Variants in WIPF2 observed in about 807,000 individuals in gnomAD.
WIPF2 encodes the protein WAS/WASL-interacting protein family member 2.
A neutral mutation model predicts 38.8 loss-of-function variants in WIPF2; 23 were observed. The ratio of observed to expected loss-of-function variants is 0.59; its 90% confidence interval spans 0.43 to 0.84. WIPF2 has a LOEUF of 0.84. Among genes scored for constraint, WIPF2 ranks in the 40% least tolerant of loss-of-function variants. WIPF2 has a pLI of 0.00. For synonymous variants in WIPF2, 210 were observed against 223.2 expected (o/e 0.94, Z 0.53); for missense variants, 574 against 580.5 (o/e 0.99, Z 0.11).
chr17:40,243,400 A>G (rs1812263764), intron 1 of WIPF2, among the ~76,000 whole-genome samples: 1 of 152,188 alleles, frequency 6.6e-6, no homozygotes, highest in Non-Finnish European at 1.5e-5. Flanking sequence ...TTGTTAAAAA[A>G]ATATGTTTGA....
intron 1 of WIPF2, among the ~76,000 whole-genome samples, chr17:40,223,533 G>GA (rs58989731): frequency 0.13 from 18,599 of 142,864 alleles, 1,339 homozygotes; most frequent in East Asian, 0.29. Flanking sequence ...GTGTTTTTAG[G>GA]AAAAAAAAAA....
intron 1 of WIPF2, among the ~76,000 whole-genome samples, chr17:40,226,136 A>T (rs2030472867): frequency 6.6e-6 from 1 of 150,442 alleles, no homozygotes; most frequent in Non-Finnish European, 1.5e-5. Context: ...CCTCCCAATA[A>T]TCCCTCTGAC....
intron 1 of WIPF2, among the ~76,000 whole-genome samples, chr17:40,245,701 C>T (rs1012842645): frequency 1.3e-5 from 2 of 152,092 alleles, no homozygotes; most frequent in East Asian, 3.8e-4. Flanking sequence ...TGTTGAGCAG[C>T]ATCCTTGTTT....
intron 1 of WIPF2, among the ~76,000 whole-genome samples, chr17:40,237,684 C>T (rs529374500): frequency 3.3e-5 from 5 of 149,948 alleles, no homozygotes; most frequent in South Asian, 4.3e-4. Flanking sequence ...CTTACTCTGT[C>T]GCCCAGGCTG....
In WIPF2 at chr17:40,264,495, C is replaced by G. The variant is rs938594777; in HGVS notation, c.319C>G (p.Leu107Val). The change falls in exon 5 of 8, where the codon CTA becomes GTA. Residue 107 changes from leucine to valine, a missense_variant. Coordinates refer to ENST00000323571, the MANE Select transcript of WIPF2 (RefSeq NM_133264.5). ...PVGAKDGSEN[L>V]AGKPALQIPS... ...TGTTGTCTATGTATTTGTAGAGAAC[C>G]TAGCTGGTAAGCCAGCCCTGCAAAT... 6.2e-7 allele frequency: 1 copy of G among 1,613,932 alleles called. No individual in the cohort carries two copies.
At chr17:40,232,615 G>A (rs2030795041) in intron 1 of WIPF2, among the ~76,000 whole-genome samples, 1 of 151,758 alleles carries the variant, frequency 6.6e-6, no homozygotes, top group African/African-American at 2.4e-5. Flanking sequence ...CACCGTGCCC[G>A]GCCAGTAATT....
chr17:40,262,469 A>T, intron 3 of WIPF2, 56 bp from the exon 4 acceptor site: 1 of 1,399,786 alleles, frequency 7.1e-7, no homozygotes, highest in Non-Finnish European at 1.0e-6. Flanking sequence ...CTCATGATTT[A>T]CTTGGTCACC....
intron 1 of WIPF2, among the ~76,000 whole-genome samples, chr17:40,228,610 A>AGGG (rs2030602022): frequency 7.4e-6 from 1 of 135,560 alleles, no homozygotes; most frequent in Non-Finnish European, 1.6e-5. Flanking sequence ...GGATGCAGAT[A>AGGG]GGGCAGTGAA....
chr17:40,257,625 A>G (rs2031767889), intron 2 of WIPF2, among the ~76,000 whole-genome samples: 1 of 151,554 alleles, frequency 6.6e-6, no homozygotes, highest in Admixed American at 6.6e-5. Flanking sequence ...AAGCGCCTGT[A>G]ATACCAGCCA....
At chr17:40,262,483 T>C (rs1361077133) in intron 3 of WIPF2, 42 bp from the exon 4 acceptor site, 16 of 1,520,742 alleles carry the variant, frequency 1.1e-5, no homozygotes, top group Middle Eastern at 1.7e-4. Context: ...GGTCACCAGC[T>C]GAGAGCATGT....
At position 40,219,400 on chromosome 17, in the gene WIPF2, A is replaced by ACGG. The variant is rs1191759973; in HGVS notation, c.-159_-157dup. On this transcript the variant is annotated 5_prime_UTR_variant, in exon 1 of 8. Transcript: ENST00000323571. ...GGCGGCGGCGGCGGCGGCGGCGGCG[A>ACGG]CGGCGAGAAAGAGCTTGCCGGGGGG... 3.8e-5 allele frequency: 13 copies of ACGG among 346,454 alleles called. No homozygotes were observed. Among genetic ancestry groups the ACGG allele is most frequent in the African/African-American group, 2.1e-4 (8 of 38,064 alleles). 21.5% of individuals were successfully genotyped at this position (346,454 alleles called of 1,614,324 possible). A position where few individuals can be genotyped will look rare whatever the true frequency, so the allele number is the denominator to read the frequency against.
In WIPF2 at chr17:40,239,046, T is replaced by TTTTTTTTA. The variant is rs1555560744; in HGVS notation, c.-69-17342_-69-17341insTTTTATTT. Among the ~76,000 whole-genome samples, 18 of 138,814 alleles carry TTTTTTTTA rather than the reference T, an allele frequency of 1.3e-4. 1 individual carries two copies. The East Asian group carries it at 2.6e-3, about 20-fold the overall frequency. 91.1% of individuals were successfully genotyped at this position (138,814 alleles called of 152,430 possible). On this transcript the variant is annotated intron_variant, in intron 1 of 7. Coordinates refer to ENST00000323571, the MANE Select transcript of WIPF2 (RefSeq NM_133264.5). ...CTGTGTCTGGCTTCTGTTTATTTTA[T>TTTTTTTTA]TTTATTTATTTATTTATTTATTTAT...
In WIPF2 at chr17:40,282,402, A is replaced by G. The variant is rs1181750771; in HGVS notation, c.*4177A>G. ...CTTTTCCTTTCTCATGGTGCCCTCC[A>G]TGGAAGTCACAGTCAACACTGAATA... On this transcript the variant is annotated 3_prime_UTR_variant, in exon 8 of 8. Transcript: ENST00000323571. 3 of 152,202 alleles carry G rather than the reference A, an allele frequency of 2.0e-5. No homozygotes were observed. Among genetic ancestry groups the G allele is most frequent in the Non-Finnish European group, 4.4e-5 (3 of 68,042 alleles). The allele number at this position is 152,202 out of a possible 1,614,324, so 9.4% of individuals were successfully genotyped here. A position where few individuals can be genotyped will look rare whatever the true frequency, so the allele number is the denominator to read the frequency against.
Position 40,262,513 on chromosome 17 carries a change from T to C in WIPF2, c.197-12T>C. Reference sequence around the variant, plus strand: ...GCATGTGAAATGAAAACCCTACTGGTATGCTTTCCAGAGCCGAAAGGAAGC... The same window carrying C: ...GCATGTGAAATGAAAACCCTACTGGCATGCTTTCCAGAGCCGAAAGGAAGC... On this transcript the variant is annotated splice_polypyrimidine_tract_variant and intron_variant, in intron 3 of 7. Transcript: ENST00000323571. 6.2e-7 allele frequency: 1 copy of C among 1,610,418 alleles called. No individual in the cohort carries two copies. Among genetic ancestry groups the C allele is most frequent in the Non-Finnish European group, 8.5e-7 (1 of 1,176,896 alleles).
chr17:40,226,697 G>GACAAGGAAA (rs1376005916), intron 1 of WIPF2, among the ~76,000 whole-genome samples: 2 of 152,136 alleles, frequency 1.3e-5, no homozygotes, highest in African/African-American at 2.4e-5. Context: ...TTAGAAATAA[G>GACAAGGAAA]AACAGAACTG....
Position 40,225,206 on chromosome 17 carries a change from G to A in WIPF2, c.-70+5714G>A, listed in dbSNP as rs547712786. ...AATCATTGCCTTTGCCTAGCTTCGT[G>A]GGCATTGTGGAAGAGAAGACAGTAT... On this transcript the variant is annotated intron_variant, in intron 1 of 7. Transcript: ENST00000323571. 9.8e-4 allele frequency among the ~76,000 whole-genome samples: 149 copies of A among 151,276 alleles called. 1 individual carries two copies. The highest frequency in any genetic ancestry group is 3.4e-3 in the African/African-American group (141 of 41,268).
chr17:40,233,998 G>A (rs2030853387), intron 1 of WIPF2, among the ~76,000 whole-genome samples: 1 of 151,842 alleles, frequency 6.6e-6, no homozygotes, highest in Non-Finnish European at 1.5e-5. Flanking sequence ...GGGAGACAGA[G>A]GTTGCGGTGA....
Position 40,264,644 on chromosome 17 carries a change from A to T in WIPF2, c.468A>T (p.Leu156Phe), listed in dbSNP as rs1392948442. ...PELPRMQRPS[L>F]PDLSRPNTTS... is the part of the protein sequence containing the mutation. ...TGCCCCGGATGCAGAGACCCTCTTTACCGGACCTCTCTCGGCCTAATACCA... is the reference window on the plus strand; with the variant it reads ...TGCCCCGGATGCAGAGACCCTCTTTTCCGGACCTCTCTCGGCCTAATACCA... Residue 156 changes from leucine (L) to phenylalanine (F), a missense_variant, in exon 5 of 8, where the codon TTA (leucine) becomes TTT (phenylalanine). Physicochemically the swap from Leu to Phe is conservative, Grantham distance 22 (BLOSUM62 0). Coordinates refer to ENST00000323571, the MANE Select transcript of WIPF2 (RefSeq NM_133264.5). The T allele has an allele frequency of 6.2e-7, 1 of 1,613,802 alleles. No homozygotes were observed. The highest frequency in any genetic ancestry group is 1.3e-5 in the African/African-American group (1 of 74,984).
rs546152726 is a variant in WIPF2, at chr17:40,271,270, C to A, written c.971-2520C>A. On this transcript the variant is annotated intron_variant, in intron 5 of 7. Coordinates refer to ENST00000323571, the MANE Select transcript of WIPF2 (RefSeq NM_133264.5). ...GGATTACAGATGTGAGCCACTATGCCTAGCCAAGATACCGTTTTACTACTA... is the reference window on the plus strand; with the variant it reads ...GGATTACAGATGTGAGCCACTATGCATAGCCAAGATACCGTTTTACTACTA... Among the ~76,000 whole-genome samples, 6 of 152,320 alleles carry A rather than the reference C, an allele frequency of 3.9e-5. No homozygotes were observed. The East Asian group carries it at 9.6e-4, about 24-fold the overall frequency.
Sources: gnomAD v4.1 joint callset for allele counts (sites outside exome capture counted in the v4.1 genomes callset) on GRCh38, gnomAD v4.1.1 for gene constraint, MANE v1.5 for transcripts, NCBI Gene and HGNC (gene_info 2026-07-23, HGNC 2026-07-21) for gene names.